The following STARD13 variants were observed in gnomAD, a reference collection of about 807,000 sequenced individuals.
The protein encoded by STARD13 is StAR related lipid transfer domain containing 13.
Under a neutral mutation model 106.4 loss-of-function variants are expected in STARD13, and 62 were observed. The ratio of observed to expected loss-of-function variants is 0.58; its 90% CI spans 0.48 to 0.72. The LOEUF is 0.72. Ranked by LOEUF, STARD13 falls within the 30% of genes least tolerant of loss-of-function variation. The pLI, the probability that STARD13 is intolerant of heterozygous loss-of-function variation, is 0.00. For missense variants in STARD13, 1,387 were observed against 1,424.0 expected (o/e 0.97, Z 0.42); for synonymous variants, 565 against 553.0 (o/e 1.02, Z -0.31).
chr13:33,413,887 G>C, the STARD13 span, among the ~76,000 whole-genome samples: 1 of 151,826 alleles, frequency 6.6e-6, no homozygotes, highest in Non-Finnish European at 1.5e-5. Context: ...ACAATAATTA[G>C]CTGAACATAG....
At chr13:33,118,689 G>T (rs2138104603) in intron 7 of STARD13, among the ~76,000 whole-genome samples, 1 of 152,302 alleles carries the variant, frequency 6.6e-6, no homozygotes, top group East Asian at 1.9e-4. Context: ...TGGGGATTTT[G>T]AGAACGTCTG....
At chr13:33,437,167 TTA>T in the STARD13 span, among the ~76,000 whole-genome samples, 1 of 152,196 alleles carries the variant, frequency 6.6e-6, no homozygotes, top group South Asian at 2.1e-4. Context: ...ACCTAATCGG[TTA>T]TGTTATCTAT....
the STARD13 span, among the ~76,000 whole-genome samples, chr13:33,522,168 T>C: frequency 1.3e-5 from 2 of 152,154 alleles, no homozygotes; most frequent in African/African-American, 4.8e-5. Flanking sequence ...AGATGTGCTA[T>C]ATTTTTCTTT....
chr13:33,358,404 C>T, the STARD13 span, among the ~76,000 whole-genome samples: 3 of 152,214 alleles, frequency 2.0e-5, no homozygotes, highest in African/African-American at 7.2e-5. Flanking sequence ...CCACCTGCAG[C>T]CCCGGTGTGG....
intron 1 of STARD13, among the ~76,000 whole-genome samples, chr13:33,172,355 A>G (rs1884060279): frequency 6.6e-6 from 1 of 152,220 alleles, no homozygotes; most frequent in Non-Finnish European, 1.5e-5. Flanking sequence ...GCCAAGAGAA[A>G]AGAGTTCAAT....
the STARD13 span, among the ~76,000 whole-genome samples, chr13:33,658,783 A>G: frequency 6.6e-6 from 1 of 152,230 alleles, no homozygotes; most frequent in African/African-American, 2.4e-5. Flanking sequence ...GCTGGTCACC[A>G]GAAAGACTAA....
the STARD13 span, among the ~76,000 whole-genome samples, chr13:33,480,577 C>T: frequency 6.6e-6 from 1 of 152,076 alleles, no homozygotes; most frequent in South Asian, 2.1e-4. Context: ...ATTATCACTA[C>T]AGGAAAAGAA....
Position 33,246,977 on chromosome 13 carries a change from G to A in STARD13, c.169+38493C>T, listed in dbSNP as rs570574196. ...TTTGGGAGGCCGAGGCAGGTGGGTC[G>A]CCTGAGGTCAGGAGTTCGAGACCAG... On this transcript the variant is annotated intron_variant, in intron 1 of 13. Transcript: ENST00000336934. Among the ~76,000 whole-genome samples, 15 of 152,044 alleles carry A rather than the reference G, an allele frequency of 9.9e-5. No homozygotes were observed. The East Asian group carries it at 1.4e-3, about 14-fold the overall frequency.
the STARD13 span, among the ~76,000 whole-genome samples, chr13:33,422,545 TC>T: frequency 1.3e-5 from 2 of 152,082 alleles, no homozygotes; most frequent in Admixed American, 1.3e-4. Flanking sequence ...TTCAATGCCA[TC>T]CCCATCAAAC....
chr13:33,122,248 T>C (rs912998318), intron 7 of STARD13, among the ~76,000 whole-genome samples: 39 of 152,298 alleles, frequency 2.6e-4, no homozygotes, highest in African/African-American at 9.4e-4. Flanking sequence ...TCCCAAAGTG[T>C]TGGGATTTTA....
At chr13:33,293,078 A>G (rs1892353859) in intron 1 of STARD13, among the ~76,000 whole-genome samples, 1 of 152,170 alleles carries the variant, frequency 6.6e-6, no homozygotes, top group Non-Finnish European at 1.5e-5. Flanking sequence ...TCAGCCTCCA[A>G]GTATCAGCTT....
chr13:33,562,617 T>C, the STARD13 span, among the ~76,000 whole-genome samples: 1 of 146,980 alleles, frequency 6.8e-6, no homozygotes, highest in Non-Finnish European at 1.5e-5. Flanking sequence ...CTTATTCATC[T>C]TCATATGCCC....
At chr13:33,673,550 C>CT in the STARD13 span, among the ~76,000 whole-genome samples, 838 of 137,130 alleles carry the variant, frequency 6.1e-3, 9 homozygotes, top group Non-Finnish European at 8.4e-3. Context: ...ACTATTAACT[C>CT]TTTTTTTTTT....
the STARD13 span, among the ~76,000 whole-genome samples, chr13:33,616,719 C>T: frequency 6.6e-6 from 1 of 152,230 alleles, no homozygotes; most frequent in Non-Finnish European, 1.5e-5. Context: ...TAGATATAGC[C>T]TCTGCCTTTA....
the STARD13 span, among the ~76,000 whole-genome samples, chr13:33,471,343 A>G: frequency 6.6e-6 from 1 of 152,272 alleles, no homozygotes; most frequent in Admixed American, 6.5e-5. Context: ...ATAATGTAAA[A>G]CCAGCTTTGC....
chr13:33,346,878 T>G (rs576923579), downstream of STARD13, among the ~76,000 whole-genome samples: 37 of 152,108 alleles, frequency 2.4e-4, no homozygotes, highest in Non-Finnish European at 4.1e-4. Flanking sequence ...CCGCAGGTGA[T>G]CCACCTGCCT....
At chr13:33,645,146 C>T in the STARD13 span, among the ~76,000 whole-genome samples, 7 of 152,230 alleles carry the variant, frequency 4.6e-5, no homozygotes, top group Middle Eastern at 6.8e-3. Flanking sequence ...CTTATGTTGA[C>T]TGATAAGATG....
In STARD13 at chr13:33,130,286, C is replaced by T. The variant is rs975620825; in HGVS notation, c.391G>A (p.Asp131Asn). ...CAAAGATCTTCCTCATCGGAGTCGT[C>T]ACCCTGCAGAGCACCAAGGAAAATG... Reference protein sequence around the residue: ...LDVNFQRKKGDDSDEEDLCIS... With the variant: ...LDVNFQRKKGNDSDEEDLCIS... Residue 131 changes from aspartate to asparagine, a missense_variant, in exon 5 of 14, where the codon GAC (aspartate) becomes AAC (asparagine). By Grantham distance (23) the Asp-to-Asn change is conservative. Transcript: ENST00000336934. This position sits in a 1 kb window ranked among gnomAD's most constrained non-coding sequence, Gnocchi z 4.1. 6.3e-7 allele frequency: 1 copy of T among 1,599,596 alleles called. No individual in the cohort carries two copies.
the STARD13 span, among the ~76,000 whole-genome samples, chr13:33,390,682 G>A: frequency 6.6e-6 from 1 of 152,298 alleles, no homozygotes; most frequent in African/African-American, 2.4e-5. Flanking sequence ...TCCTGGTCCA[G>A]GAAGAGAGCG....
Sources: gnomAD v4.1 joint callset for allele counts (sites outside exome capture counted in the v4.1 genomes callset) on GRCh38, gnomAD v4.1.1 for gene constraint, Gnocchi (gnomAD v3.1) non-coding constraint, MANE v1.5 for transcripts, NCBI Gene and HGNC (gene_info 2026-07-23, HGNC 2026-07-21) for gene names.